TMC1: variants seen among roughly 807,000 people sequenced by gnomAD.
TMC1 encodes the protein transmembrane channel-like protein 1.
Under a neutral mutation model 105.8 loss-of-function variants are expected in TMC1, and 84 were observed. The observed-to-expected ratio is 0.79, with a 90% CI of 0.67 to 0.95. TMC1 has a LOEUF of 0.95. TMC1 is among the 40% of genes least tolerant of loss of function. The pLI is 0.00. For missense variants in TMC1, 817 were observed against 914.1 expected, an observed-to-expected ratio of 0.89 and a Z score of 1.37; for synonymous variants, 315 against 311.5, an observed-to-expected ratio of 1.01 and a Z score of -0.12.
intron 2 of TMC1, among the ~76,000 whole-genome samples, chr9:72,584,267 CTT>C (rs11374672): frequency 2.3e-4 from 32 of 138,038 alleles, no homozygotes; most frequent in Admixed American, 2.9e-4. Context: ...AATGTCACTA[CTT>C]TTTTTTTTTT....
intron 7 of TMC1, among the ~76,000 whole-genome samples, chr9:72,699,793 AT>A (rs1826611197): frequency 1.3e-5 from 2 of 150,962 alleles, no homozygotes; most frequent in Admixed American, 1.3e-4. Flanking sequence ...TCTGTCTCTA[AT>A]AAAAATACAA....
rs1420600562 is a variant in TMC1 at position 72,637,168 on chromosome 9, A to G, written c.-53+9105A>G. Among the ~76,000 whole-genome samples, 3 of 152,034 alleles carry G rather than the reference A, an allele frequency of 2.0e-5. No homozygotes were observed. In the East Asian group the frequency reaches 5.8e-4, roughly 29 times the overall value. On this transcript the variant is annotated intron_variant, in intron 4 of 23. Coordinates refer to ENST00000297784, the MANE Select transcript of TMC1 (RefSeq NM_138691.3). ...ATTTGCTATTCACCAGTGTCAGCCA[A>G]TGTGTTTATTTTTGAAAGGTCAGAA...
intron 7 of TMC1, among the ~76,000 whole-genome samples, chr9:72,699,361 G>A (rs1255580006): frequency 1.3e-5 from 2 of 152,162 alleles, no homozygotes; most frequent in Admixed American, 1.3e-4. Flanking sequence ...TTTACCAAAT[G>A]AAGTTATAAG....
At chr9:72,725,329 A>ATG (rs1564515537) in intron 8 of TMC1, among the ~76,000 whole-genome samples, 4 of 74,898 alleles carry the variant, frequency 5.3e-5, no homozygotes, top group African/African-American at 8.2e-5. Context: ...GTGTATGTAT[A>ATG]TATATATATA....
chr9:72,672,823 AACACACACACACACACACACACAC>A (rs34028814), intron 5 of TMC1, among the ~76,000 whole-genome samples: 1 of 139,834 alleles, frequency 7.2e-6, no homozygotes, highest in Admixed American at 7.3e-5. Flanking sequence ...AAGCCTGGGC[AACACACACACACACACACACACAC>A]ACACACACAC....
At chr9:72,690,952 T>C (rs758912959) in intron 6 of TMC1, among the ~76,000 whole-genome samples, 2 of 152,150 alleles carry the variant, frequency 1.3e-5, no homozygotes, top group East Asian at 3.8e-4. Context: ...ACTCCCATAG[T>C]GTATATATTG....
rs113608288 is a variant in TMC1, at chr9:72,684,163, C to G, written c.17-4546C>G. Among the ~76,000 whole-genome samples the G allele has an allele frequency of 4.1e-3, 622 of 152,220 alleles. 3 individuals are homozygous for G. Among genetic ancestry groups the G allele is most frequent in the African/African-American group, 0.014 (592 of 41,548 alleles). Reference sequence around the variant, plus strand: ...TGGTTCATTTCATAGCCTACATCTTCAATTTCTCAATTCTCATTAGATCTT... The same window carrying G: ...TGGTTCATTTCATAGCCTACATCTTGAATTTCTCAATTCTCATTAGATCTT... On this transcript the variant is annotated intron_variant, in intron 5 of 23. Transcript: ENST00000297784.
At chr9:72,568,864 T>G (rs1220170292) in intron 1 of TMC1, among the ~76,000 whole-genome samples, 1 of 152,150 alleles carries the variant, frequency 6.6e-6, no homozygotes, top group East Asian at 1.9e-4. Flanking sequence ...ATCAGCAGAT[T>G]AGACATTCCA....
intron 18 of TMC1, among the ~76,000 whole-genome samples, chr9:72,811,666 G>A (rs1828707285): frequency 1.3e-5 from 2 of 152,150 alleles, no homozygotes; most frequent in African/African-American, 4.8e-5. Flanking sequence ...AATAAACTCA[G>A]CATGGTGTTC....
At chr9:72,674,025 T>A (rs551250436) in intron 5 of TMC1, among the ~76,000 whole-genome samples, 1 of 152,210 alleles carries the variant, frequency 6.6e-6, no homozygotes, top group Non-Finnish European at 1.5e-5. Context: ...TTGTAAAATA[T>A]CATTTAAAAT....
intron 1 of TMC1, among the ~76,000 whole-genome samples, chr9:72,546,332 A>G: frequency 6.6e-6 from 1 of 152,140 alleles, no homozygotes; most frequent in Non-Finnish European, 1.5e-5. Flanking sequence ...ATTTGGAAAA[A>G]CTGCTGAAAT....
At chr9:72,790,044 C>G (rs1009827275) in intron 15 of TMC1, among the ~76,000 whole-genome samples, 2 of 152,122 alleles carry the variant, frequency 1.3e-5, no homozygotes, top group African/African-American at 4.8e-5. Flanking sequence ...AGACATAGAT[C>G]ATTTAGAATC....
In TMC1 at chr9:72,698,001, T is replaced by C. The variant is rs1470401; in HGVS notation, c.237-2517T>C. Among the ~76,000 whole-genome samples the C allele has an allele frequency of 5.3e-5, 8 of 151,992 alleles. No individual in the cohort carries two copies. The South Asian group carries it at 1.5e-3, about 28-fold the overall frequency. ...ATTTTAATTAAAACACATCTTTACC[T>C]CCTAAGACAAACTAACCCACATATC... is the stretch of plus-strand genomic sequence containing the variant. On this transcript the variant is annotated intron_variant, in intron 7 of 23. Transcript: ENST00000297784.
intron 3 of TMC1, among the ~76,000 whole-genome samples, chr9:72,623,147 G>GTTTTTTTTTTTTTCTTTTT (rs1825285785): frequency 1.8e-5 from 2 of 113,678 alleles, no homozygotes; most frequent in Non-Finnish European, 3.4e-5. Flanking sequence ...CTCTCTCCCT[G>GTTTTTTTTTTTTTCTTTTT]TTTTTTTTTT....
rs890529621 is a variant in TMC1, at chr9:72,754,827, C to A, written c.684C>A (p.Thr228=). Residue 228 remains threonine, a synonymous_variant, in exon 12 of 24, where the codon ACC becomes ACA. Transcript: ENST00000297784. ...GLPYGSLPRK[T]VPRAEEASAA... ...CATATGGCAGTTTACCTAGGAAAAC[C>A]GTTCCCAGAGCCGAAGAGGCATCGG... The A allele has an allele frequency of 1.9e-6, 3 of 1,613,948 alleles. No homozygotes were observed. The highest frequency in any genetic ancestry group is 2.5e-6 in the Non-Finnish European group (3 of 1,179,994).
chr9:72,734,802 A>C (rs567416955), intron 8 of TMC1, among the ~76,000 whole-genome samples: 30 of 152,316 alleles, frequency 2.0e-4, no homozygotes, highest in African/African-American at 7.0e-4. Context: ...TTGAGCAATA[A>C]ATTTGTTGCT....
intron 8 of TMC1, among the ~76,000 whole-genome samples, chr9:72,703,321 C>T (rs892847180): frequency 7.9e-5 from 12 of 151,970 alleles, no homozygotes; most frequent in African/African-American, 2.9e-4. Flanking sequence ...GGGATGGGGT[C>T]TTACTATGTC....
At chr9:72,604,953 A>T (rs1313097445) in intron 2 of TMC1, among the ~76,000 whole-genome samples, 1 of 152,224 alleles carries the variant, frequency 6.6e-6, no homozygotes, top group East Asian at 1.9e-4. Context: ...TAGACAACAC[A>T]TGTTAAAGGG....
chr9:72,807,127 CCTGCAAT>C (rs1341787852), intron 18 of TMC1, among the ~76,000 whole-genome samples: 21 of 152,184 alleles, frequency 1.4e-4, no homozygotes, highest in Admixed American at 6.5e-4. Context: ...TCGGCGCGAG[CCTGCAAT>C]CGCAGGCACT....
Sources: allele counts gnomAD v4.1 joint callset (sites outside exome capture counted in the v4.1 genomes callset), GRCh38; gene constraint gnomAD v4.1.1; transcripts MANE v1.5; gene names NCBI Gene and HGNC (gene_info 2026-07-23, HGNC 2026-07-21).